The following CHFR variants were observed in gnomAD, a reference collection of about 807,000 sequenced individuals.
CHFR encodes E3 ubiquitin-protein ligase CHFR.
CHFR carries 57 observed loss-of-function variants against 87.6 expected under a neutral mutation model. The ratio of observed to expected loss-of-function variants is 0.65; its 90% confidence interval spans 0.53 to 0.81. The LOEUF (loss-of-function observed/expected upper bound fraction) is 0.81, where lower values mean the gene tolerates loss of function less well. Ranked by LOEUF, CHFR falls within the 30% of genes least tolerant of loss-of-function variation. The probability of loss-of-function intolerance (pLI) is 0.00; values close to 1 mark genes in which losing one functional copy is unlikely to be tolerated. For missense variants in CHFR, 797 were observed against 865.8 expected (o/e 0.92, Z 1.00); for synonymous variants, 381 against 359.2 (o/e 1.06, Z -0.69).
chr12:132,880,194 G>A (rs892884783), intron 2 of CHFR, among the ~76,000 whole-genome samples: 6 of 152,220 alleles, frequency 3.9e-5, no homozygotes, highest in Non-Finnish European at 8.8e-5. Context: ...TATTGTGGCT[G>A]TGTAAGGATG....
chr12:132,851,552 G>C, intron 12 of CHFR, 66 bp downstream of exon 12: 1 of 1,507,670 alleles, frequency 6.6e-7, no homozygotes, highest in East Asian at 2.4e-5. Context: ...GGCCAACACC[G>C]CTTTGAAACC....
In CHFR at chr12:132,877,803, A is replaced by AG; in HGVS notation, c.134-150_134-149insC. On this transcript the variant is annotated intron_variant, in intron 2 of 17. Transcript: ENST00000450056. ...CACTTGACCAAGAAAGACATAAAGA[A>AG]ATTTTTTTTTTTTTCTTGAGACGGA... 1.0e-4 allele frequency: 49 copies of AG among 488,272 alleles called. No homozygotes were observed. In the East Asian group the frequency reaches 1.8e-3, roughly 18 times the overall value. 30.2% of individuals were successfully genotyped at this position (488,272 alleles called of 1,614,324 possible).
At chr12:132,875,302 C>T (rs1305416357) in intron 3 of CHFR, among the ~76,000 whole-genome samples, 1 of 152,250 alleles carries the variant, frequency 6.6e-6, no homozygotes, top group East Asian at 1.9e-4. Flanking sequence ...AGCACACTCT[C>T]AACATACTGC....
chr12:132,885,132 G>A (rs966080303), intron 2 of CHFR, among the ~76,000 whole-genome samples: 27 of 150,760 alleles, frequency 1.8e-4, no homozygotes, highest in Admixed American at 3.3e-4. Flanking sequence ...ATTTCTGGCC[G>A]GGCGCGATAG....
At chr12:132,856,947 C>T (rs1165602561) in intron 9 of CHFR, among the ~76,000 whole-genome samples, 3 of 146,822 alleles carry the variant, frequency 2.0e-5, no homozygotes, top group Middle Eastern at 3.6e-3. Flanking sequence ...GGACCACCCT[C>T]GCTTGCCCAG....
rs879680270 is a variant in CHFR at position 132,839,279 on chromosome 12, C to T, written c.*2275G>A. 7.4e-5 allele frequency: 13 copies of T among 176,584 alleles called. No homozygotes were observed. Among genetic ancestry groups the T allele is most frequent in the African/African-American group, 1.7e-4 (7 of 41,546 alleles). The allele number at this position is 176,584 out of a possible 1,614,324, so 10.9% of individuals were successfully genotyped here. The stretch of plus-strand genomic sequence containing the variant: ...GAATGCCAGCCTCCCCTCTCAGCCT[C>T]GCACCTGCACAAACTGGCAACCTCC... On this transcript the variant is annotated 3_prime_UTR_variant, in exon 18 of 18. Transcript: ENST00000450056.
At position 132,858,718 on chromosome 12, in the gene CHFR, C is replaced by T. The variant is rs147795442; in HGVS notation, c.911+350G>A. 5.8e-3 allele frequency among the ~76,000 whole-genome samples: 494 copies of T among 84,498 alleles called. 5 individuals carry two copies. The highest frequency in any genetic ancestry group is 0.022 in the African/African-American group (440 of 19,984). The allele number at this position is 84,498 out of a possible 152,430, so 55.4% of individuals were successfully genotyped here. A position where few individuals can be genotyped will look rare whatever the true frequency, so the allele number is the denominator to read the frequency against. ...ACTCCAGCCTGGTGACAGAGCGAGACTCCATCTAAAAAAAAAAAAAAAAAA... is the reference window on the plus strand; with the variant it reads ...ACTCCAGCCTGGTGACAGAGCGAGATTCCATCTAAAAAAAAAAAAAAAAAA... On this transcript the variant is annotated intron_variant, in intron 8 of 17. Transcript: ENST00000450056.
chr12:132,847,856 G>A (rs1950860999), intron 14 of CHFR: 1 of 1,381,804 alleles, frequency 7.2e-7, no homozygotes, highest in African/African-American at 1.5e-5. Context: ...ATTGGTGGCA[G>A]GAGGCACAAA....
At chr12:132,848,837 G>A (rs1950880218) in intron 12 of CHFR, 113 bp from the exon 13 acceptor site, 3 of 790,822 alleles carry the variant, frequency 3.8e-6, no homozygotes, top group Non-Finnish European at 6.1e-6. Context: ...TGTTCAGGAG[G>A]GGTCTCATGG....
rs892099809 is a variant in CHFR, at chr12:132,857,317, C to T, written c.1066+88G>A. ...GGGACAGCCCTCACGTGCCCGGGTG[C>T]TGCTGGGTGGATGCCCTCACGTGCC... On this transcript the variant is annotated intron_variant, in intron 9 of 17. Transcript: ENST00000450056. The T allele has an allele frequency of 2.2e-6, 3 of 1,388,682 alleles. No individual in the cohort carries two copies. In the African/African-American group the frequency reaches 4.9e-5, roughly 23 times the overall value. 86.0% of individuals were successfully genotyped at this position (1,388,682 alleles called of 1,614,324 possible).
intron 9 of CHFR, 119 bp from the exon 10 acceptor site, chr12:132,856,749 C>T (rs959897171): frequency 8.9e-7 from 1 of 1,117,736 alleles, no homozygotes. Flanking sequence ...GGGCGGACCG[C>T]CCTCACGTGC....
chr12:132,869,798 TCTTTGGTC>T lies in CHFR; in HGVS notation c.404-8_404-1del. Reference sequence around the variant, plus strand: ...TCGCCCTGCACCTGCACCTGAGGTATCTTTGGTCCCATGGAACACATTTTCCTTGTTAG... The same window carrying T: ...TCGCCCTGCACCTGCACCTGAGGTATCCATGGAACACATTTTCCTTGTTAG... On this transcript the variant is annotated splice_acceptor_variant and splice_polypyrimidine_tract_variant and intron_variant, in intron 5 of 17. Coordinates refer to ENST00000450056, the MANE Select transcript of CHFR (RefSeq NM_001161346.2). LOFTEE classifies it high-confidence loss of function. 6.4e-7 allele frequency: 1 copy of T among 1,551,386 alleles called. No homozygotes were observed. Among genetic ancestry groups the T allele is most frequent in the Non-Finnish European group, 8.7e-7 (1 of 1,146,976 alleles).
At chr12:132,886,085 G>A (rs964416772) in intron 2 of CHFR, among the ~76,000 whole-genome samples, 1 of 152,190 alleles carries the variant, frequency 6.6e-6, no homozygotes, top group East Asian at 1.9e-4. Flanking sequence ...GCCGAAGCAG[G>A]TGAATCACTT....
At chr12:132,871,403 G>C (rs1431019484) in intron 4 of CHFR, among the ~76,000 whole-genome samples, 1 of 151,942 alleles carries the variant, frequency 6.6e-6, no homozygotes, top group East Asian at 1.9e-4. Context: ...AGTGAGCTGA[G>C]ATCACGCCAT....
intron 5 of CHFR, 73 bp from the exon 6 acceptor site, chr12:132,869,871 G>A (rs1951444695): frequency 3.3e-6 from 5 of 1,508,288 alleles, no homozygotes; most frequent in Non-Finnish European, 4.5e-6. Context: ...CACACAACCA[G>A]GGCTCAAGCA....
intron 2 of CHFR, among the ~76,000 whole-genome samples, chr12:132,879,394 T>TC (rs1040597413): frequency 6.7e-6 from 1 of 150,018 alleles, no homozygotes; most frequent in Non-Finnish European, 1.5e-5. Context: ...ATTTTTTTTT[T>TC]CTTTTTTTTT....
chr12:132,857,498 A>C lies in CHFR; in HGVS notation c.973T>G (p.Ser325Ala). The C allele has an allele frequency of 6.2e-7, 1 of 1,614,164 alleles. No homozygotes were observed. Among genetic ancestry groups the C allele is most frequent in the Non-Finnish European group, 8.5e-7 (1 of 1,180,022 alleles). ...GGACAGCGGCAGGTAGGACACAGGG[A>C]CGAGCGCTCCATCCAGCCCGAGTAG... ...ACYSGWMERSSLCPTCRCPVE... is the reference protein window; with the variant it reads ...ACYSGWMERSALCPTCRCPVE... The change falls in exon 9 of 18, where the codon TCC becomes GCC. Residue 325 changes from serine to alanine, a missense_variant. By Grantham distance (99) the Ser-to-Ala change is moderately conservative. This residue lies in a region of CHFR where 597 missense variants were observed against 601.2 expected (regional missense o/e 0.99). Coordinates refer to ENST00000450056, the MANE Select transcript of CHFR (RefSeq NM_001161346.2).
chr12:132,887,316 C>A lies in CHFR; in HGVS notation c.13G>T (p.Glu5Ter). ...GGCGGCGGCGACTGCTTGCCTTCCT[C>A]GGGCCGCTCCATCGGGATTCACATC... The part of the protein sequence containing the change: MERP[E>*]EGKQSPPPQP... The change falls in exon 2 of 18, where the codon GAG (glutamate) becomes TAG (stop). Residue 5 changes from glutamate (E) to a stop codon, truncating the protein, a stop_gained. Coordinates refer to ENST00000450056, the MANE Select transcript of CHFR (RefSeq NM_001161346.2). LOFTEE classifies it high-confidence loss of function. 6.8e-7 allele frequency: 1 copy of A among 1,473,064 alleles called. No homozygotes were observed. The highest frequency in any genetic ancestry group is 8.9e-7 in the Non-Finnish European group (1 of 1,118,660). The allele number at this position is 1,473,064 out of a possible 1,614,324, so 91.2% of individuals were successfully genotyped here.
intron 2 of CHFR, among the ~76,000 whole-genome samples, chr12:132,879,176 T>C (rs1041297231): frequency 1.1e-4 from 17 of 151,200 alleles, no homozygotes; most frequent in Middle Eastern, 3.5e-3. Context: ...AGCTAATTTT[T>C]TGTATTTTTA....
Sources: gnomAD v4.1 joint callset for allele counts (sites outside exome capture counted in the v4.1 genomes callset) on GRCh38, gnomAD v4.1.1 for gene constraint, gnomAD v4.1.1 regional missense constraint, MANE v1.5 for transcripts, NCBI Gene and HGNC (gene_info 2026-07-23, HGNC 2026-07-21) for gene names.